CCDC148: variants seen among roughly 807,000 people sequenced by gnomAD.
The protein encoded by CCDC148 is coiled-coil domain-containing protein 148.
In CCDC148, 89 loss-of-function variants were observed where a neutral mutation model predicts 85.7. The observed-to-expected ratio is 1.04, with a 90% CI of 0.87 to 1.24. CCDC148 has a LOEUF of 1.24. CCDC148 is among the 50% of genes most tolerant of loss of function. CCDC148 has a pLI of 0.00. For missense variants in CCDC148, 692 were observed against 671.7 expected, an observed-to-expected ratio of 1.03 and a Z score of -0.33; for synonymous variants, 230 against 213.9, an observed-to-expected ratio of 1.08 and a Z score of -0.66.
chr2:158,228,967 C>CAA (rs1234928451), intron 10 of CCDC148, among the ~76,000 whole-genome samples: 13 of 94,362 alleles, frequency 1.4e-4, no homozygotes, highest in African/African-American at 5.0e-4. Context: ...AATAACAAAA[C>CAA]AAAAAAAAAA....
At chr2:158,223,005 G>A (rs978241434) in intron 10 of CCDC148, among the ~76,000 whole-genome samples, 14 of 152,146 alleles carry the variant, frequency 9.2e-5, no homozygotes, top group African/African-American at 2.7e-4. Context: ...AGCATGAGCC[G>A]AAGCAGCGTG....
intron 9 of CCDC148, among the ~76,000 whole-genome samples, chr2:158,273,816 G>A (rs1251428651): frequency 6.6e-6 from 1 of 152,006 alleles, no homozygotes; most frequent in Non-Finnish European, 1.5e-5. Context: ...AACTTATAGG[G>A]TCAATTTAGG....
In CCDC148 at chr2:158,355,855, C is replaced by G. The variant is rs1407872364; in HGVS notation, c.147+2594G>C. Among the ~76,000 whole-genome samples the G allele has an allele frequency of 4.4e-4, 59 of 134,566 alleles. No individual in the cohort carries two copies. The East Asian group carries it at 6.4e-3, about 15-fold the overall frequency. 88.3% of individuals were successfully genotyped at this position (134,566 alleles called of 152,430 possible). On this transcript the variant is annotated intron_variant, in intron 2 of 13. Coordinates refer to ENST00000283233, the MANE Select transcript of CCDC148 (RefSeq NM_138803.4). The stretch of plus-strand genomic sequence containing the variant: ...TACTACAAGGCTACAGTAACCAAAA[C>G]AGCATGGTACTGGTACCAAAACAGA...
At chr2:158,428,837 A>G (rs1365558659) in intron 1 of CCDC148, among the ~76,000 whole-genome samples, 1 of 152,050 alleles carries the variant, frequency 6.6e-6, no homozygotes. Context: ...ACATGCACAC[A>G]TATGTTTATT....
chr2:158,208,876 T>G (rs1277393540), intron 11 of CCDC148, among the ~76,000 whole-genome samples: 2 of 152,128 alleles, frequency 1.3e-5, no homozygotes, highest in Non-Finnish European at 2.9e-5. Flanking sequence ...TGCAAGGAGG[T>G]TGGACTAGAT....
At chr2:158,399,320 A>G (rs1574753583) in intron 1 of CCDC148, among the ~76,000 whole-genome samples, 1 of 152,248 alleles carries the variant, frequency 6.6e-6, no homozygotes, top group African/African-American at 2.4e-5. Flanking sequence ...AGACACACAC[A>G]CAAAAAGAGA....
At chr2:158,381,399 T>G (rs1684863473) in intron 1 of CCDC148, among the ~76,000 whole-genome samples, 1 of 152,046 alleles carries the variant, frequency 6.6e-6, no homozygotes, top group Non-Finnish European at 1.5e-5. Context: ...AAAATCCAAT[T>G]TAAAACCACA....
At chr2:158,298,441 C>T (rs996066607) in intron 9 of CCDC148, among the ~76,000 whole-genome samples, 1 of 152,086 alleles carries the variant, frequency 6.6e-6, no homozygotes, top group African/African-American at 2.4e-5. Flanking sequence ...AATACTGCCT[C>T]TATTTTATTC....
chr2:158,337,936 AC>A (rs2105239810), intron 7 of CCDC148, among the ~76,000 whole-genome samples: 1 of 152,190 alleles, frequency 6.6e-6, no homozygotes, highest in Non-Finnish European at 1.5e-5. Context: ...AAAGTTATAA[AC>A]CTTTTATTTT....
At chr2:158,255,549 T>C (rs1193454876) in intron 9 of CCDC148, among the ~76,000 whole-genome samples, 1 of 151,652 alleles carries the variant, frequency 6.6e-6, no homozygotes, top group Non-Finnish European at 1.5e-5. Context: ...ATTATGGTAT[T>C]TTCAAGACGC....
At chr2:158,319,677 T>A (rs941597656) in intron 7 of CCDC148, among the ~76,000 whole-genome samples, 1 of 152,214 alleles carries the variant, frequency 6.6e-6, no homozygotes, top group Non-Finnish European at 1.5e-5. Context: ...TAGCTAAAGA[T>A]AATTTGACAG....
chr2:158,360,076 G>A (rs1015851324), intron 1 of CCDC148, among the ~76,000 whole-genome samples: 10 of 152,186 alleles, frequency 6.6e-5, no homozygotes, highest in African/African-American at 1.2e-4. Flanking sequence ...CCAACTGGGC[G>A]GAGCCCTCTG....
intron 11 of CCDC148, among the ~76,000 whole-genome samples, chr2:158,212,622 A>G (rs1212447223): frequency 1.3e-5 from 2 of 152,186 alleles, no homozygotes; most frequent in African/African-American, 4.8e-5. Flanking sequence ...TCAAATGTTT[A>G]CTGTTTTACA....
chr2:158,172,667 A>G (rs1684374918), intron 13 of CCDC148, among the ~76,000 whole-genome samples: 1 of 152,122 alleles, frequency 6.6e-6, no homozygotes, highest in Non-Finnish European at 1.5e-5. Flanking sequence ...TCATCTGGCA[A>G]TATGTAAATT....
chr2:158,444,885 A>T (rs1688096754), intron 1 of CCDC148, among the ~76,000 whole-genome samples: 1 of 151,964 alleles, frequency 6.6e-6, no homozygotes, highest in Admixed American at 6.6e-5. Context: ...TTAATAAAGA[A>T]ATTTTTACTA....
chr2:158,208,618 G>T (rs1574404245), intron 11 of CCDC148, among the ~76,000 whole-genome samples: 1 of 152,322 alleles, frequency 6.6e-6, no homozygotes, highest in East Asian at 1.9e-4. Flanking sequence ...CCACAGGGGA[G>T]GAGGCACGCC....
At chr2:158,406,621 T>TTCTGTTTTTTTTTTTTGTTTTTG (rs1316306586) in intron 1 of CCDC148, among the ~76,000 whole-genome samples, 3 of 100,796 alleles carry the variant, frequency 3.0e-5, no homozygotes, top group Non-Finnish European at 4.2e-5. Flanking sequence ...TTCTTTTTTT[T>TTCTGTTTTTTTTTTTTGTTTTTG]TTTTTTTTTT....
chr2:158,172,332 T>C, intron 13 of CCDC148, 73 bp from the exon 14 acceptor site: 1 of 1,173,000 alleles, frequency 8.5e-7, no homozygotes, highest in East Asian at 2.5e-5. Context: ...AGTTCCATGT[T>C]TTCCCAAACT....
chr2:158,174,854 A>G (rs1684496677), intron 13 of CCDC148, among the ~76,000 whole-genome samples: 2 of 152,074 alleles, frequency 1.3e-5, no homozygotes, highest in Admixed American at 6.6e-5. Flanking sequence ...TATAATCTTA[A>G]GGGACCACCA....
Sources: allele counts gnomAD v4.1 joint callset (sites outside exome capture counted in the v4.1 genomes callset), GRCh38; gene constraint gnomAD v4.1.1; transcripts MANE v1.5; gene names NCBI Gene and HGNC (gene_info 2026-07-23, HGNC 2026-07-21).